Variants in RB1 observed in about 807,000 individuals in gnomAD.
The protein encoded by RB1 is RB transcriptional corepressor 1.
Under a neutral mutation model 135.4 loss-of-function variants are expected in RB1, and 18 were observed. That is an observed-to-expected ratio of 0.13 (90% CI 0.09 to 0.20). RB1 has a LOEUF of 0.20. Ranked by LOEUF, RB1 falls within the 10% of genes least tolerant of loss-of-function variation. The probability of loss-of-function intolerance (pLI) is 1.00; values close to 1 mark genes in which losing one functional copy is unlikely to be tolerated. For missense variants in RB1, 868 were observed against 1,110.0 expected, an observed-to-expected ratio of 0.78 and a Z score of 3.10; for synonymous variants, 365 against 373.2, an observed-to-expected ratio of 0.98 and a Z score of 0.25.
At position 48,480,224 on chromosome 13, in the gene RB1, G is replaced by A. The variant is rs1278256224; in HGVS notation, c.*153G>A. ...TAAAATGTGCAGATGCAATTGTTTGGGTGATTCCTAAGCCACTTGAAATGT... is the reference window on the plus strand; with the variant it reads ...TAAAATGTGCAGATGCAATTGTTTGAGTGATTCCTAAGCCACTTGAAATGT... On this transcript the variant is annotated 3_prime_UTR_variant, in exon 27 of 27. Transcript: ENST00000267163. 1 of 683,246 alleles carries A rather than the reference G, an allele frequency of 1.5e-6. No homozygotes were observed. Among genetic ancestry groups the A allele is most frequent in the African/African-American group, 1.8e-5 (1 of 55,754 alleles). The allele number at this position is 683,246 out of a possible 1,614,324, so 42.3% of individuals were successfully genotyped here. A position where few individuals can be genotyped will look rare whatever the true frequency, so the allele number is the denominator to read the frequency against.
At chr13:48,449,630 C>T (rs1476776752) in intron 17 of RB1, among the ~76,000 whole-genome samples, 3 of 152,084 alleles carry the variant, frequency 2.0e-5, no homozygotes, top group Admixed American at 6.6e-5. Flanking sequence ...GGCACCATGG[C>T]GCATTCCTAT....
intron 8 of RB1, among the ~76,000 whole-genome samples, chr13:48,364,281 G>A (rs1455351592): frequency 6.6e-6 from 1 of 152,090 alleles, no homozygotes; most frequent in Non-Finnish European, 1.5e-5. Flanking sequence ...TGTCTTGAAT[G>A]TACAAAATAT....
At chr13:48,359,880 A>G in intron 6 of RB1, 137 bp from the exon 7 acceptor site, 2 of 1,340,944 alleles carry the variant, frequency 1.5e-6, no homozygotes, top group South Asian at 3.2e-5. Flanking sequence ...TTTTACAAAA[A>G]AAAGAAAGAA....
In RB1 at chr13:48,480,131, G is replaced by A. The variant is rs2138364929; in HGVS notation, c.*60G>A. ...TCTGGATTCATTGTCTCTCACAGATGTGACTGTATAACTTTCCCAGGTTCT... is the reference window on the plus strand; with the variant it reads ...TCTGGATTCATTGTCTCTCACAGATATGACTGTATAACTTTCCCAGGTTCT... On this transcript the variant is annotated 3_prime_UTR_variant, in exon 27 of 27. Coordinates refer to ENST00000267163, the MANE Select transcript of RB1 (RefSeq NM_000321.3). 7.1e-7 allele frequency: 1 copy of A among 1,412,898 alleles called. No homozygotes were observed. The highest frequency in any genetic ancestry group is 1.0e-6 in the Non-Finnish European group (1 of 1,002,168). 87.5% of individuals were successfully genotyped at this position (1,412,898 alleles called of 1,614,324 possible).
At chr13:48,395,288 G>A (rs1948639171) in intron 17 of RB1, among the ~76,000 whole-genome samples, 1 of 152,106 alleles carries the variant, frequency 6.6e-6, no homozygotes, top group Non-Finnish European at 1.5e-5. Context: ...ATGAAGATGA[G>A]GAAAAACCAG....
At chr13:48,456,081 A>G (rs1003333006) in intron 18 of RB1, 123 bp from the exon 19 acceptor site, 6 of 1,483,676 alleles carry the variant, frequency 4.0e-6, no homozygotes, top group Non-Finnish European at 5.4e-6. Context: ...TTGCATTTAA[A>G]TAGTCTGCTA....
intron 24 of RB1, among the ~76,000 whole-genome samples, chr13:48,474,878 C>G (rs1028286254): frequency 1.3e-5 from 2 of 151,986 alleles, no homozygotes; most frequent in Non-Finnish European, 2.9e-5. Context: ...TCTCCATTCC[C>G]CTGAGAGCTT....
At chr13:48,440,949 A>G (rs111818608) in intron 17 of RB1, among the ~76,000 whole-genome samples, 3 of 152,290 alleles carry the variant, frequency 2.0e-5, no homozygotes, top group African/African-American at 7.2e-5. Context: ...TGTAGGGAAG[A>G]AAAAAAGAAT....
At chr13:48,412,800 G>A (rs969073603) in intron 17 of RB1, 4 of 260,614 alleles carry the variant, frequency 1.5e-5, no homozygotes, top group Non-Finnish European at 2.4e-5. Flanking sequence ...TTCTAAACTT[G>A]TATTTCAGTA....
At chr13:48,408,197 T>C (rs940852049) in intron 17 of RB1, among the ~76,000 whole-genome samples, 2 of 152,034 alleles carry the variant, frequency 1.3e-5, no homozygotes, top group Non-Finnish European at 2.9e-5. Context: ...ATTTTGAATG[T>C]AGAATATTAA....
chr13:48,313,971 G>A (rs181974466), intron 2 of RB1, among the ~76,000 whole-genome samples: 4 of 151,886 alleles, frequency 2.6e-5, no homozygotes, highest in African/African-American at 7.2e-5. Flanking sequence ...GGATGGTCTC[G>A]ATCTCCTGAC....
intron 9 of RB1, among the ~76,000 whole-genome samples, chr13:48,365,978 T>G (rs1251818038): frequency 6.6e-6 from 1 of 152,218 alleles, no homozygotes; most frequent in Admixed American, 6.5e-5. Context: ...TGATGTGATT[T>G]CAAATCTGAG....
intron 17 of RB1, among the ~76,000 whole-genome samples, chr13:48,421,079 A>AGGTGCCC (rs1948998029): frequency 1.3e-5 from 2 of 152,246 alleles, no homozygotes; most frequent in African/African-American, 2.4e-5. Flanking sequence ...TAGCCAAGAC[A>AGGTGCCC]ATCCTAAGCA....
chr13:48,463,855 A>G lies in RB1; in HGVS notation c.2211+20A>G. Reference sequence around the variant, plus strand: ...CAGGAGGTAGGTAATTTTCCATAGTAAGTTTTTTTGATAAATCCATATCCA... The same window carrying G: ...CAGGAGGTAGGTAATTTTCCATAGTGAGTTTTTTTGATAAATCCATATCCA... On this transcript the variant is annotated intron_variant, in intron 21 of 26. Transcript: ENST00000267163. 6.8e-7 allele frequency: 1 copy of G among 1,473,196 alleles called. No individual in the cohort carries two copies. Among genetic ancestry groups the G allele is most frequent in the Non-Finnish European group, 9.5e-7 (1 of 1,052,174 alleles). The allele number at this position is 1,473,196 out of a possible 1,614,324, so 91.3% of individuals were successfully genotyped here.
chr13:48,350,534 T>G (rs762744358), intron 6 of RB1, among the ~76,000 whole-genome samples: 27 of 152,048 alleles, frequency 1.8e-4, no homozygotes, highest in Non-Finnish European at 5.9e-5. Context: ...CAGAGGGAAG[T>G]TTATAGCTGT....
intron 20 of RB1, among the ~76,000 whole-genome samples, chr13:48,462,423 A>G (rs1949412164): frequency 6.6e-6 from 1 of 152,052 alleles, no homozygotes; most frequent in African/African-American, 2.4e-5. Context: ...CCATGCCCAG[A>G]CTGCTCATTT....
chr13:48,332,711 C>T (rs562100181), intron 2 of RB1, among the ~76,000 whole-genome samples: 2 of 152,294 alleles, frequency 1.3e-5, no homozygotes, highest in East Asian at 1.9e-4. Flanking sequence ...ACGACATACA[C>T]ACAGACAAAA....
intron 17 of RB1, among the ~76,000 whole-genome samples, chr13:48,394,807 C>G (rs996841301): frequency 6.6e-6 from 1 of 152,228 alleles, no homozygotes; most frequent in Admixed American, 6.5e-5. Context: ...GAAGGCGCAG[C>G]TGTGGACACA....
chr13:48,382,311 C>G (rs1436875512), intron 17 of RB1, among the ~76,000 whole-genome samples: 1 of 152,162 alleles, frequency 6.6e-6, no homozygotes, highest in Non-Finnish European at 1.5e-5. Flanking sequence ...TACAGTCCCA[C>G]CAACAGTGTA....
Sources: gnomAD v4.1 joint callset for allele counts (sites outside exome capture counted in the v4.1 genomes callset) on GRCh38, gnomAD v4.1.1 for gene constraint, MANE v1.5 for transcripts, NCBI Gene and HGNC (gene_info 2026-07-23, HGNC 2026-07-21) for gene names.